CNTN4: variants seen among roughly 807,000 people sequenced by gnomAD.
The protein encoded by CNTN4 is contactin-4.
A neutral mutation model predicts 122.5 loss-of-function variants in CNTN4; 77 were observed. The observed-to-expected ratio is 0.63, with a 90% CI of 0.52 to 0.76. The LOEUF is 0.76. Among genes scored for constraint, CNTN4 ranks in the 30% least tolerant of loss-of-function variants. CNTN4 has a pLI of 0.00. For missense variants in CNTN4, 1,256 were observed against 1,259.1 expected (o/e 1.00, Z 0.04); for synonymous variants, 512 against 447.0 (o/e 1.15, Z -1.83).
At chr3:3,003,771 A>T (rs1041674051) in intron 14 of CNTN4, among the ~76,000 whole-genome samples, 4 of 151,018 alleles carry the variant, frequency 2.6e-5, no homozygotes, top group African/African-American at 9.7e-5. Context: ...TATTTTTGAG[A>T]CAGAGTCTTG....
At chr3:2,244,287 A>T (rs562924513) in intron 2 of CNTN4, among the ~76,000 whole-genome samples, 2 of 152,100 alleles carry the variant, frequency 1.3e-5, no homozygotes, top group South Asian at 4.1e-4. Context: ...ATTATACTGT[A>T]CTCACCTATT....
chr3:2,348,150 T>C (rs965327435), intron 3 of CNTN4, among the ~76,000 whole-genome samples: 1 of 152,222 alleles, frequency 6.6e-6, no homozygotes. Context: ...CTTTTGCTTT[T>C]ATTGAGTCTT....
At chr3:2,919,905 A>C (rs1346760723) in intron 12 of CNTN4, among the ~76,000 whole-genome samples, 1 of 152,160 alleles carries the variant, frequency 6.6e-6, no homozygotes, top group Non-Finnish European at 1.5e-5. Context: ...AATGTCTTTA[A>C]AATATTTTTC....
At chr3:2,641,365 G>C (rs1261196171) in intron 4 of CNTN4, among the ~76,000 whole-genome samples, 1 of 152,104 alleles carries the variant, frequency 6.6e-6, no homozygotes, top group Non-Finnish European at 1.5e-5. Flanking sequence ...ATTTTTTGTA[G>C]ACGTGAAAGC....
At chr3:2,668,783 T>C (rs2084323671) in intron 4 of CNTN4, among the ~76,000 whole-genome samples, 1 of 152,328 alleles carries the variant, frequency 6.6e-6, no homozygotes, top group East Asian at 1.9e-4. Context: ...ACCTAATTTA[T>C]TGAGAGTTTT....
At chr3:2,364,967 C>T (rs572725979) in intron 3 of CNTN4, among the ~76,000 whole-genome samples, 1 of 152,154 alleles carries the variant, frequency 6.6e-6, no homozygotes, top group African/African-American at 2.4e-5. Flanking sequence ...TTTTTCAAAG[C>T]ATTTATTTAT....
intron 3 of CNTN4, among the ~76,000 whole-genome samples, chr3:2,550,184 A>G (rs575527851): frequency 2.7e-4 from 41 of 152,074 alleles, no homozygotes; most frequent in South Asian, 2.1e-3. Flanking sequence ...AGGGTTTTTC[A>G]TGTATCTATC....
At chr3:2,138,159 C>G (rs142598244) in intron 2 of CNTN4, among the ~76,000 whole-genome samples, 1 of 151,916 alleles carries the variant, frequency 6.6e-6, no homozygotes, top group Non-Finnish European at 1.5e-5. Context: ...CTCCACTTCC[C>G]GGGTTCAAGT....
Position 2,307,308 on chromosome 3 carries a change from G to A in CNTN4, c.-144-31870G>A, listed in dbSNP as rs893086269. ...AATGTAGCCGGGCGTGGTGGCGGGC[G>A]CCTGTAGTCCCAGCTACTGGGGAGG... On this transcript the variant is annotated intron_variant, in intron 2 of 24. Transcript: ENST00000418658. Among the ~76,000 whole-genome samples, 6 of 152,044 alleles carry A rather than the reference G, an allele frequency of 3.9e-5. No individual in the cohort carries two copies. In the East Asian group the frequency reaches 7.7e-4, roughly 20 times the overall value.
intron 3 of CNTN4, among the ~76,000 whole-genome samples, chr3:2,383,905 C>G (rs1383834082): frequency 2.6e-5 from 4 of 152,034 alleles, no homozygotes; most frequent in African/African-American, 4.8e-5. Flanking sequence ...CATTGTAAAG[C>G]CACAAAATTA....
intron 3 of CNTN4, among the ~76,000 whole-genome samples, chr3:2,439,198 G>A (rs1188978059): frequency 1.3e-5 from 2 of 152,160 alleles, no homozygotes; most frequent in African/African-American, 2.4e-5. Flanking sequence ...GTTTCAAAGT[G>A]TGGGCTCCTG....
intron 3 of CNTN4, among the ~76,000 whole-genome samples, chr3:2,518,215 ATGTGTGTGTG>A (rs59623316): frequency 6.6e-6 from 1 of 150,742 alleles, no homozygotes; most frequent in Non-Finnish European, 1.5e-5. Flanking sequence ...TTAGGTTAAT[ATGTGTGTGTG>A]TGTGTGTGTG....
chr3:2,550,146 C>T (rs1203256015), intron 3 of CNTN4, among the ~76,000 whole-genome samples: 2 of 152,062 alleles, frequency 1.3e-5, no homozygotes, highest in African/African-American at 4.8e-5. Flanking sequence ...TTTCAAAAAA[C>T]CAGTTCCTGG....
At chr3:2,290,815 GATGAGAGGAAAAAACTTATTTCCC>G (rs1386150453) in intron 2 of CNTN4, among the ~76,000 whole-genome samples, 21 of 152,040 alleles carry the variant, frequency 1.4e-4, no homozygotes, top group African/African-American at 4.8e-4. Context: ...ACTTAAATCT[GATGAGAGGAAAAAACTTATTTCCC>G]TTTCAACAGA....
rs1444844088 is a variant in CNTN4, at chr3:2,709,883, G to C, written c.56-26332G>C. Among the ~76,000 whole-genome samples, 6 of 151,934 alleles carry C rather than the reference G, an allele frequency of 3.9e-5. No homozygotes were observed. Among genetic ancestry groups the C allele is most frequent in the Non-Finnish European group, 8.8e-5 (6 of 67,988 alleles). ...CCACTGCACTCCAGCCTGGGTGACA[G>C]GGCAAGACCCTGTCTCAAACATATA... On this transcript the variant is annotated intron_variant, in intron 4 of 24. Transcript: ENST00000418658. This position sits in a 1 kb window ranked among gnomAD's most constrained non-coding sequence, Gnocchi z 5.0.
intron 4 of CNTN4, among the ~76,000 whole-genome samples, chr3:2,710,217 G>A (rs1442455390): frequency 6.6e-6 from 1 of 152,126 alleles, no homozygotes; most frequent in East Asian, 1.9e-4. Context: ...TGTTAGTTTT[G>A]CAGGCCTCAG....
chr3:2,485,621 G>T (rs2076134534), intron 3 of CNTN4, among the ~76,000 whole-genome samples: 1 of 151,486 alleles, frequency 6.6e-6, no homozygotes, highest in South Asian at 2.1e-4. Flanking sequence ...TAGGTAATCT[G>T]GGGGGGACTT....
chr3:2,351,183 T>C (rs1244167178), intron 3 of CNTN4, among the ~76,000 whole-genome samples: 1 of 152,190 alleles, frequency 6.6e-6, no homozygotes, highest in African/African-American at 2.4e-5. Flanking sequence ...TGGAGAACTA[T>C]ATCGTACAAC....
chr3:2,211,201 G>A (rs965430732), intron 2 of CNTN4, among the ~76,000 whole-genome samples: 4 of 151,976 alleles, frequency 2.6e-5, no homozygotes, highest in Admixed American at 2.6e-4. Flanking sequence ...AGTGTGGCGG[G>A]GGTTGGGCGC....
Sources: gnomAD v4.1 joint callset for allele counts (sites outside exome capture counted in the v4.1 genomes callset) on GRCh38, gnomAD v4.1.1 for gene constraint, Gnocchi (gnomAD v3.1) non-coding constraint, MANE v1.5 for transcripts, NCBI Gene and HGNC (gene_info 2026-07-23, HGNC 2026-07-21) for gene names.